Variants in PISD observed in about 807,000 individuals in gnomAD.
PISD encodes phosphatidylserine decarboxylase.
A neutral mutation model predicts 43.5 loss-of-function variants in PISD; 31 were observed. That is an observed-to-expected ratio of 0.71 (90% CI 0.54 to 0.96). PISD has a LOEUF of 0.96. Ranked by LOEUF, PISD falls within the 40% of genes least tolerant of loss-of-function variation. The probability of loss-of-function intolerance (pLI) is 0.00; values close to 1 mark genes in which losing one functional copy is unlikely to be tolerated. For missense variants in PISD, 523 were observed against 548.4 expected (o/e 0.95, Z 0.46); for synonymous variants, 259 against 228.7 (o/e 1.13, Z -1.20).
intron 3 of PISD, chr22:31,626,309 A>G (rs745978298): frequency 2.1e-4 from 33 of 158,636 alleles, no homozygotes; most frequent in Non-Finnish European, 2.8e-4. Context: ...CCAAACGCAC[A>G]AAGTGGGAAC....
chr22:31,629,283 T>C (rs1033743852), intron 3 of PISD: 3 of 946,960 alleles, frequency 3.2e-6, no homozygotes, highest in Non-Finnish European at 3.8e-6. Context: ...AGGATACGTG[T>C]GCAGGTGCAA....
At chr22:31,624,711 G>GGA (rs1367803201) in intron 3 of PISD, among the ~76,000 whole-genome samples, 1 of 96,246 alleles carries the variant, frequency 1.0e-5, no homozygotes, top group East Asian at 3.3e-4. Context: ...CAGCAAAGGT[G>GGA]GACACACACA....
At position 31,619,898 on chromosome 22, in the gene PISD, CAT is replaced by C. The variant is rs763285870; in HGVS notation, c.1006-64_1006-63del. ...CACCAAGTGCACAGTGTCACCCCCA[CAT>C]GTGTTTGGAGTCCCACTCCCTCTGT... On this transcript the variant is annotated intron_variant, in intron 7 of 7. Transcript: ENST00000439502. The C allele has an allele frequency of 3.0e-4, 334 of 1,113,130 alleles. 1 individual carries two copies. Among genetic ancestry groups the C allele is most frequent in the East Asian group, 6.0e-4 (24 of 40,236 alleles). 69.0% of individuals were successfully genotyped at this position (1,113,130 alleles called of 1,614,324 possible).
At chr22:31,623,980 G>T in intron 3 of PISD, 1 of 768,860 alleles carries the variant, frequency 1.3e-6, no homozygotes, top group Non-Finnish European at 2.1e-6. Flanking sequence ...TCTCCATGGG[G>T]GTGATGGAGC....
chr22:31,632,974 G>C (rs2073272175), intron 3 of PISD, among the ~76,000 whole-genome samples: 1 of 152,166 alleles, frequency 6.6e-6, no homozygotes, highest in Non-Finnish European at 1.5e-5. Context: ...CTATCATCAA[G>C]ATTGAGAACT....
At chr22:31,650,103 C>T (rs1490264249) in intron 2 of PISD, among the ~76,000 whole-genome samples, 1 of 152,170 alleles carries the variant, frequency 6.6e-6, no homozygotes, top group African/African-American at 2.4e-5. Context: ...CAAACTAATA[C>T]AACATTATTA....
chr22:31,627,233 C>T lies in PISD; in HGVS notation c.322-5348G>A, dbSNP rs992512685. Among the ~76,000 whole-genome samples the T allele has an allele frequency of 3.9e-5, 6 of 152,222 alleles. No individual in the cohort carries two copies. In the South Asian group the frequency reaches 1.2e-3, roughly 31 times the overall value. On this transcript the variant is annotated intron_variant, in intron 3 of 7. Transcript: ENST00000439502. ...CCAGGCCCCTCTCCTAAATGAGTGA[C>T]GGGGACAGCTCACTGCAGATGGGTC...
At position 31,625,895 on chromosome 22, in the gene PISD, A is replaced by G. The variant is rs2072883956; in HGVS notation, c.322-4010T>C. On this transcript the variant is annotated intron_variant, in intron 3 of 7. Transcript: ENST00000439502. ...CTCTTTCCTCCCCTTCCCCCGAGCC[A>G]GCAGATCTCCTGTGCTGTCACTGCT... The G allele has an allele frequency of 3.2e-6, 5 of 1,544,820 alleles. No individual in the cohort carries two copies. The African/African-American group carries it at 5.5e-5, about 17-fold the overall frequency.
At position 31,619,683 on chromosome 22, in the gene PISD, G is replaced by A. The variant is rs2072373602; in HGVS notation, c.1159C>T (p.Pro387Ser). Residue 387 changes from proline to serine, a missense_variant, in exon 8 of 8, where the codon CCC (proline) becomes TCC (serine). Coordinates refer to ENST00000439502, the MANE Select transcript of PISD (RefSeq NM_001326411.2). ...GSTIVLIFEA[P>S]KDFNFQLKTG... ...TTCAGCTGGAAATTGAAGTCCTTGG[G>A]GGCCTCGAAGATGAGCACGATGGTG... The A allele has an allele frequency of 1.2e-6, 2 of 1,614,232 alleles. No individual in the cohort carries two copies. The highest frequency in any genetic ancestry group is 1.1e-5 in the South Asian group (1 of 91,086).
chr22:31,620,013 T>TCA, intron 7 of PISD, among the ~76,000 whole-genome samples, 177 bp from the exon 8 acceptor site: 1 of 152,168 alleles, frequency 6.6e-6, no homozygotes, highest in East Asian at 1.9e-4. Flanking sequence ...TAGCCAGATC[T>TCA]CACACACAGC....
At chr22:31,658,540 A>AGTTTGTTT (rs72370751) in intron 1 of PISD, among the ~76,000 whole-genome samples, 2 of 151,778 alleles carry the variant, frequency 1.3e-5, no homozygotes, top group Non-Finnish European at 2.9e-5. Flanking sequence ...CCTGGTTATA[A>AGTTTGTTT]GTTTGTTTGT....
intron 3 of PISD, among the ~76,000 whole-genome samples, chr22:31,624,283 C>T (rs888324387): frequency 6.6e-6 from 1 of 152,204 alleles, no homozygotes; most frequent in Non-Finnish European, 1.5e-5. Context: ...GGAGAGTGGG[C>T]CCCAGGGGCC....
At position 31,619,524 on chromosome 22, in the gene PISD, C is replaced by A. The variant is rs772743341; in HGVS notation, c.*88G>T. ...CCAACCACGCTGAGGCAGGCCCTTA[C>A]CTGGATGGCCTCATGGGCCTCCCTC... On this transcript the variant is annotated 3_prime_UTR_variant, in exon 8 of 8. Transcript: ENST00000439502. The A allele has an allele frequency of 1.7e-5, 18 of 1,053,390 alleles. No individual in the cohort carries two copies. The highest frequency in any genetic ancestry group is 2.6e-5 in the Non-Finnish European group (18 of 686,252). The allele number at this position is 1,053,390 out of a possible 1,614,324, so 65.3% of individuals were successfully genotyped here.
chr22:31,648,936 A>C (rs111955043), intron 2 of PISD, among the ~76,000 whole-genome samples: 1 of 152,180 alleles, frequency 6.6e-6, no homozygotes, highest in Non-Finnish European at 1.5e-5. Context: ...CCAGAACTTG[A>C]AGCCAAACAC....
In PISD at chr22:31,642,793, T is replaced by TC. The variant is rs1289601270; in HGVS notation, c.321+5307dup. On this transcript the variant is annotated intron_variant, in intron 3 of 7. Coordinates refer to ENST00000439502, the MANE Select transcript of PISD (RefSeq NM_001326411.2). ...CTGGGAGACAGAGCGAGACTCAGTT[T>TC]CAAAAAAAAAAAAAAAGAAAGAAAA... is the stretch of plus-strand genomic sequence containing the variant. 6.6e-5 allele frequency among the ~76,000 whole-genome samples: 7 copies of TC among 105,938 alleles called. 1 individual carries two copies. The South Asian group carries it at 1.7e-3, about 25-fold the overall frequency. 69.5% of individuals were successfully genotyped at this position (105,938 alleles called of 152,430 possible).
Position 31,619,287 on chromosome 22 carries a change from A to C in PISD, c.*325T>G, listed in dbSNP as rs991624263. 1.4e-5 allele frequency: 5 copies of C among 362,578 alleles called. No homozygotes were observed. The highest frequency in any genetic ancestry group is 2.2e-5 in the South Asian group (1 of 44,638). The allele number at this position is 362,578 out of a possible 1,614,324, so 22.5% of individuals were successfully genotyped here. A position where few individuals can be genotyped will look rare whatever the true frequency, so the allele number is the denominator to read the frequency against. The stretch of plus-strand genomic sequence containing the variant: ...CAAGAAAAAACGACAACCGAGACCA[A>C]CTGAAGGTTCGGTCAGGAATGCAGG... On this transcript the variant is annotated 3_prime_UTR_variant, in exon 8 of 8. Coordinates refer to ENST00000439502, the MANE Select transcript of PISD (RefSeq NM_001326411.2).
rs1479297447 is a variant in PISD at position 31,630,355 on chromosome 22, G to A, written c.322-8470C>T. Among the ~76,000 whole-genome samples the A allele has an allele frequency of 6.6e-6, 1 of 152,092 alleles. No individual in the cohort carries two copies. The highest frequency in any genetic ancestry group is 6.5e-5 in the Admixed American group (1 of 15,276). On this transcript the variant is annotated intron_variant, in intron 3 of 7. Coordinates refer to ENST00000439502, the MANE Select transcript of PISD (RefSeq NM_001326411.2). This position sits in a 1 kb window ranked among gnomAD's most constrained non-coding sequence, Gnocchi z 4.4. ...CCCTCGGGCGCCGCCCTCTTCCCCAGGCGGCCTGCCCCCAGGCCCTCCGGC... is the reference window on the plus strand; with the variant it reads ...CCCTCGGGCGCCGCCCTCTTCCCCAAGCGGCCTGCCCCCAGGCCCTCCGGC...
intron 3 of PISD, chr22:31,625,643 G>T: frequency 7.6e-7 from 1 of 1,307,690 alleles, no homozygotes; most frequent in East Asian, 2.5e-5. Flanking sequence ...CCAGCCTCGG[G>T]GGCTGACCAC....
At chr22:31,647,349 T>G (rs1008809494) in intron 3 of PISD, among the ~76,000 whole-genome samples, 7 of 152,222 alleles carry the variant, frequency 4.6e-5, no homozygotes, top group Admixed American at 3.3e-4. Context: ...CCTATTAGAA[T>G]AGATTCAGCT....
Sources: allele counts gnomAD v4.1 joint callset (sites outside exome capture counted in the v4.1 genomes callset), GRCh38; gene constraint gnomAD v4.1.1; non-coding constraint Gnocchi (gnomAD v3.1); transcripts MANE v1.5; gene names NCBI Gene and HGNC (gene_info 2026-07-23, HGNC 2026-07-21).